The following POU6F2 variants were observed in gnomAD, a reference collection of about 807,000 sequenced individuals.
POU6F2 encodes POU domain, class 6, transcription factor 2.
In POU6F2, 31 loss-of-function variants were observed where a neutral mutation model predicts 71.3. That is an observed-to-expected ratio of 0.43 (90% confidence interval 0.33 to 0.59). The LOEUF (loss-of-function observed/expected upper bound fraction) is 0.59, where lower values mean the gene tolerates loss of function less well. Among genes scored for constraint, POU6F2 ranks in the 20% least tolerant of loss-of-function variants. POU6F2 has a pLI of 0.04. For missense variants in POU6F2, 783 were observed against 856.8 expected (o/e 0.91, Z 1.07); for synonymous variants, 347 against 355.7 (o/e 0.98, Z 0.27).
intron 4 of POU6F2, among the ~76,000 whole-genome samples, chr7:39,333,024 G>A (rs1398991310): frequency 3.3e-5 from 5 of 152,030 alleles, no homozygotes; most frequent in Non-Finnish European, 7.4e-5. Context: ...TGGAAATAGT[G>A]GGGAAGTCAG....
chr7:39,029,552 G>A (rs1182560272), intron 1 of POU6F2, among the ~76,000 whole-genome samples: 1 of 151,894 alleles, frequency 6.6e-6, no homozygotes, highest in Non-Finnish European at 1.5e-5. Context: ...TTTGGGTGAT[G>A]GATACCCTAA....
intron 1 of POU6F2, among the ~76,000 whole-genome samples, chr7:39,072,013 C>T (rs558585194): frequency 4.6e-5 from 7 of 152,278 alleles, no homozygotes; most frequent in African/African-American, 1.4e-4. Context: ...GCAAGACTTG[C>T]AGACAGAGCT....
At chr7:39,333,561 ACCC>A (rs1225938959) in intron 4 of POU6F2, among the ~76,000 whole-genome samples, 5 of 151,916 alleles carry the variant, frequency 3.3e-5, no homozygotes, top group Non-Finnish European at 7.4e-5. Context: ...ACATGGTGAA[ACCC>A]CATCTCTACC....
At chr7:39,298,093 C>T (rs777560666) in intron 4 of POU6F2, among the ~76,000 whole-genome samples, 11 of 152,134 alleles carry the variant, frequency 7.2e-5, no homozygotes, top group African/African-American at 1.2e-4. Flanking sequence ...CCATTAAGGA[C>T]GTAGGCATGA....
At chr7:39,001,992 C>T (rs946595485) in intron 1 of POU6F2, 2 of 152,128 alleles carry the variant, frequency 1.3e-5, no homozygotes, top group Non-Finnish European at 2.9e-5. Flanking sequence ...TTATAAGCCA[C>T]AATGGGGTTT....
At chr7:39,329,973 G>A (rs1466442843) in intron 4 of POU6F2, among the ~76,000 whole-genome samples, 1 of 152,142 alleles carries the variant, frequency 6.6e-6, no homozygotes, top group Non-Finnish European at 1.5e-5. Flanking sequence ...ACTAATTTTT[G>A]TTTAAATTTT....
chr7:39,042,537 T>G (rs952597368), intron 1 of POU6F2, among the ~76,000 whole-genome samples: 3 of 152,014 alleles, frequency 2.0e-5, no homozygotes, highest in Non-Finnish European at 2.9e-5. Flanking sequence ...AACCCATGTT[T>G]GACATGTAGC....
chr7:39,229,566 G>A (rs1015292502), intron 4 of POU6F2, among the ~76,000 whole-genome samples: 1 of 152,142 alleles, frequency 6.6e-6, no homozygotes, highest in Non-Finnish European at 1.5e-5. Flanking sequence ...AATTATTTAG[G>A]AAAAGAGAAA....
intron 6 of POU6F2, 150 bp from the exon 7 acceptor site, chr7:39,432,926 CT>C: frequency 1.5e-6 from 1 of 675,060 alleles, no homozygotes; most frequent in Non-Finnish European, 2.5e-6. Flanking sequence ...CCCCTGCCAC[CT>C]TCTTCCACCA....
At position 39,132,184 on chromosome 7, in the gene POU6F2, G is replaced by A. The variant is rs557265706; in HGVS notation, c.277+46153G>A. ...GTAACGGATAATGACCATAGTTCCA[G>A]ATCAAATGTAATTTGTCTGGTCATT... On this transcript the variant is annotated intron_variant, in intron 2 of 9. Coordinates refer to ENST00000518318, the MANE Select transcript of POU6F2 (RefSeq NM_001370959.1). Among the ~76,000 whole-genome samples, 6 of 152,186 alleles carry A rather than the reference G, an allele frequency of 3.9e-5. No individual in the cohort carries two copies. The South Asian group carries it at 6.2e-4, about 16-fold the overall frequency.
chr7:39,412,073 A>G (rs1787561084), intron 6 of POU6F2, among the ~76,000 whole-genome samples: 1 of 152,246 alleles, frequency 6.6e-6, no homozygotes, highest in Non-Finnish European at 1.5e-5. Context: ...ATTGGAACCC[A>G]AACACTGTCA....
intron 2 of POU6F2, among the ~76,000 whole-genome samples, chr7:39,109,645 A>G (rs1022417142): frequency 1.3e-5 from 2 of 152,184 alleles, no homozygotes; most frequent in East Asian, 3.9e-4. Flanking sequence ...TTGATAGTAT[A>G]ATTTATACTG....
chr7:39,327,951 T>C (rs1785549632), intron 4 of POU6F2, among the ~76,000 whole-genome samples: 1 of 152,050 alleles, frequency 6.6e-6, no homozygotes, highest in Non-Finnish European at 1.5e-5. Context: ...GACAGAGTCT[T>C]GCTCTGTCGC....
chr7:39,327,171 T>C (rs1247579786), intron 4 of POU6F2, among the ~76,000 whole-genome samples: 8 of 150,608 alleles, frequency 5.3e-5, no homozygotes, highest in East Asian at 2.0e-4. Flanking sequence ...CCCAGCTACT[T>C]GGGAGGCTGA....
intron 5 of POU6F2, among the ~76,000 whole-genome samples, chr7:39,388,052 A>AGGG (rs767404124): frequency 4.7e-4 from 71 of 152,234 alleles, no homozygotes; most frequent in Non-Finnish European, 9.3e-4. Flanking sequence ...TGACCTTTCA[A>AGGG]AGAAGGAGCA....
rs1013757552 is a variant in POU6F2 at position 39,460,593 on chromosome 7, G to C, written c.1536G>C (p.Glu512Asp). The change falls in exon 9 of 10, where the codon GAG becomes GAC. Residue 512 changes from glutamate (E) to aspartate (D), a missense_variant. Physicochemically the swap from Glu to Asp is conservative, Grantham distance 45. Transcript: ENST00000518318. This position sits in a 1 kb window ranked among gnomAD's most constrained non-coding sequence, Gnocchi z 4.4. The part of the protein sequence containing the change: ...AGEVDGVNLE[E>D]IREFAKAFKI... Reference sequence around the variant, plus strand: ...AGGTGGATGGGGTTAATCTGGAGGAGATCCGAGAATTTGCCAAAGCTTTTA... The same window carrying C: ...AGGTGGATGGGGTTAATCTGGAGGACATCCGAGAATTTGCCAAAGCTTTTA... The C allele has an allele frequency of 1.9e-6, 3 of 1,613,434 alleles. No individual in the cohort carries two copies. The highest frequency in any genetic ancestry group is 2.5e-6 in the Non-Finnish European group (3 of 1,179,704).
intron 2 of POU6F2, among the ~76,000 whole-genome samples, chr7:39,172,715 G>A (rs1032739233): frequency 4.0e-5 from 6 of 150,724 alleles, no homozygotes; most frequent in South Asian, 2.1e-4. Context: ...CGACCTCCCC[G>A]GCTCAAGTGA....
chr7:39,328,407 T>G (rs1785564644), intron 4 of POU6F2, among the ~76,000 whole-genome samples: 1 of 152,178 alleles, frequency 6.6e-6, no homozygotes, highest in Admixed American at 6.5e-5. Flanking sequence ...TCTTAATCTA[T>G]CGGGAACAAA....
At chr7:39,231,175 G>T (rs1562756142) in intron 4 of POU6F2, among the ~76,000 whole-genome samples, 1 of 152,124 alleles carries the variant, frequency 6.6e-6, no homozygotes, top group Admixed American at 6.5e-5. Flanking sequence ...ATAACAAAGG[G>T]TAAAGAAGCC....
Sources: allele counts gnomAD v4.1 joint callset (sites outside exome capture counted in the v4.1 genomes callset), GRCh38; gene constraint gnomAD v4.1.1; non-coding constraint Gnocchi (gnomAD v3.1); transcripts MANE v1.5; gene names NCBI Gene and HGNC (gene_info 2026-07-23, HGNC 2026-07-21).